PC: variants seen among roughly 807,000 people sequenced by gnomAD.
PC encodes the protein pyruvate carboxylase, mitochondrial.
PC carries 46 observed loss-of-function variants against 107.8 expected under a neutral mutation model. That is an observed-to-expected ratio of 0.43 (90% CI 0.34 to 0.55). PC has a LOEUF of 0.55. PC is among the 20% of genes least tolerant of loss of function. The pLI is 0.04. For synonymous variants in PC, 662 were observed against 684.7 expected (o/e 0.97, Z 0.52); for missense variants, 1,241 against 1,643.1 (o/e 0.76, Z 4.23).
chr11:66,873,082 C>T (rs796329448), intron 3 of PC, among the ~76,000 whole-genome samples: 7 of 150,698 alleles, frequency 4.6e-5, no homozygotes, highest in South Asian at 2.1e-4. Context: ...GTGGCTCACA[C>T]CTGTAAACCC....
chr11:66,950,054 A>G (rs1010769440), intron 3 of PC, among the ~76,000 whole-genome samples: 4 of 152,182 alleles, frequency 2.6e-5, no homozygotes. Flanking sequence ...ATTATTAATG[A>G]TTTAATATTA....
intron 3 of PC, among the ~76,000 whole-genome samples, chr11:66,917,835 C>T (rs1016700209): frequency 6.6e-6 from 1 of 152,178 alleles, no homozygotes; most frequent in Non-Finnish European, 1.5e-5. Context: ...CCTCAGCCTT[C>T]TAGGATTACG....
At position 66,870,472 on chromosome 11, in the gene PC, T is replaced by C. The variant is rs1275166075; in HGVS notation, c.752-19A>G. On this transcript the variant is annotated intron_variant, in intron 8 of 22. Coordinates refer to ENST00000393960, the MANE Select transcript of PC (RefSeq NM_001040716.2). The surrounding 1 kb of genome is among the most constrained non-coding windows in gnomAD (Gnocchi z 6.1). The stretch of plus-strand genomic sequence containing the variant: ...TGGTCCCCTGGGGAGGGAGGTAAAC[T>C]GGGCTTAGCTTTTACTGGAATCTAC... 6.2e-7 allele frequency: 1 copy of C among 1,611,424 alleles called. No homozygotes were observed. The highest frequency in any genetic ancestry group is 1.1e-5 in the South Asian group (1 of 91,060).
intron 3 of PC, among the ~76,000 whole-genome samples, chr11:66,897,513 A>G (rs1947801494): frequency 6.6e-6 from 1 of 152,222 alleles, no homozygotes; most frequent in South Asian, 2.1e-4. Flanking sequence ...CAGAGGTTGC[A>G]GTAAGCAGAG....
chr11:66,861,239 C>T (rs541292350), intron 12 of PC, among the ~76,000 whole-genome samples: 2 of 152,352 alleles, frequency 1.3e-5, no homozygotes, highest in East Asian at 3.9e-4. Context: ...CCAGCCCCTG[C>T]AGCCTCCTGA....
At chr11:66,947,399 C>A (rs1043877556) in intron 3 of PC, among the ~76,000 whole-genome samples, 2 of 151,500 alleles carry the variant, frequency 1.3e-5, no homozygotes, top group Non-Finnish European at 2.9e-5. Context: ...CTGGCTAACA[C>A]AGTGAAACCC....
intron 3 of PC, among the ~76,000 whole-genome samples, chr11:66,917,264 G>A (rs976588216): frequency 6.6e-6 from 1 of 152,026 alleles, no homozygotes; most frequent in African/African-American, 2.4e-5. Context: ...TAGAGACGGG[G>A]TTTCATCGTG....
chr11:66,865,575 GGC>G (rs1391103841), intron 11 of PC, among the ~76,000 whole-genome samples: 1 of 152,170 alleles, frequency 6.6e-6, no homozygotes, highest in Non-Finnish European at 1.5e-5. Flanking sequence ...TCCTGGAGAA[GGC>G]GCGAGTCTTG....
Position 66,852,730 on chromosome 11 carries a change from G to A in PC, c.1603+17C>T. The A allele has an allele frequency of 5.0e-6, 8 of 1,610,264 alleles. No individual in the cohort carries two copies. Among genetic ancestry groups the A allele is most frequent in the Non-Finnish European group, 6.8e-6 (8 of 1,177,110 alleles). ...CTCCTGTCTCCCCCATGAGTTGACA[G>A]AATGGATCTCACCTACCTATGGGCA... On this transcript the variant is annotated intron_variant, in intron 14 of 22. Transcript: ENST00000393960. The surrounding 1 kb of genome is among the most constrained non-coding windows in gnomAD (Gnocchi z 4.7).
intron 3 of PC, among the ~76,000 whole-genome samples, chr11:66,899,152 G>A (rs1425948950): frequency 2.0e-5 from 3 of 152,156 alleles, no homozygotes; most frequent in Non-Finnish European, 2.9e-5. Flanking sequence ...TTACAGGGGT[G>A]AGCCACCGTG....
intron 19 of PC, 46 bp from the exon 20 acceptor site, chr11:66,850,162 G>C (rs1945389846): frequency 6.2e-7 from 1 of 1,613,810 alleles, no homozygotes. Context: ...ACCTCAAGGA[G>C]GCCAGTGGCA....
chr11:66,938,180 GT>G, intron 3 of PC, among the ~76,000 whole-genome samples: 1 of 152,226 alleles, frequency 6.6e-6, no homozygotes, highest in East Asian at 1.9e-4. Flanking sequence ...ATACTTTCTT[GT>G]TTCTTTGCAT....
chr11:66,900,409 G>C (rs145817922), intron 3 of PC, among the ~76,000 whole-genome samples: 2 of 151,986 alleles, frequency 1.3e-5, no homozygotes, highest in Non-Finnish European at 2.9e-5. Context: ...TGATCCGCCC[G>C]CCTTGGCCTC....
Position 66,852,650 on chromosome 11 carries a change from CGGG to C in PC, c.1611_1613del (p.Pro538del). On this transcript the variant is annotated inframe_deletion, in exon 15 of 23. Coordinates refer to ENST00000393960, the MANE Select transcript of PC (RefSeq NM_001040716.2). The surrounding 1 kb of genome is among the most constrained non-coding windows in gnomAD (Gnocchi z 4.7). Reference sequence around the variant, plus strand: ...GCAGCAGGATGTCTCTGAAACCAGCCGGGGGCGGGCCTAGGGTAGACAGGGGCA... The same window carrying C: ...GCAGCAGGATGTCTCTGAAACCAGCCGGCGGGCCTAGGGTAGACAGGGGCA... 6.2e-7 allele frequency: 1 copy of C among 1,613,610 alleles called. No homozygotes were observed.
chr11:66,860,176 T>C (rs756573580), intron 12 of PC: 5 of 1,545,938 alleles, frequency 3.2e-6, no homozygotes, highest in Non-Finnish European at 4.4e-6. Flanking sequence ...GCCGAGCGGC[T>C]GGAAGAGAGT....
At position 66,848,807 on chromosome 11, in the gene PC, T is replaced by C. The variant is rs1945295634; in HGVS notation, c.*92A>G. 9.0e-6 allele frequency: 14 copies of C among 1,557,788 alleles called. No homozygotes were observed. Among genetic ancestry groups the C allele is most frequent in the Admixed American group, 5.0e-5 (3 of 59,422 alleles). On this transcript the variant is annotated 3_prime_UTR_variant, in exon 23 of 23. Coordinates refer to ENST00000393960, the MANE Select transcript of PC (RefSeq NM_001040716.2). ...CAGGACCTCCACGGCCCGGCCTTCC[T>C]GGCCTCGGGCACTGGCTGGCCTGGG...
Position 66,866,382 on chromosome 11 carries a change from G to A in PC, c.1023-33C>T, listed in dbSNP as rs116706384. ...GCATTGGGGGGAGGGGGGAAAGGAC[G>A]GGAGAAAGGGGGAAACATGAGGCGG... On this transcript the variant is annotated intron_variant, in intron 10 of 22. Transcript: ENST00000393960. This position sits in a 1 kb window ranked among gnomAD's most constrained non-coding sequence, Gnocchi z 5.4. The A allele has an allele frequency of 1.7e-3, 2,655 of 1,538,000 alleles. 51 individuals carry two copies. The African/African-American group carries it at 0.031, about 18-fold the overall frequency.
chr11:66,869,895 T>G (rs564342989), intron 9 of PC, among the ~76,000 whole-genome samples: 29 of 152,250 alleles, frequency 1.9e-4, no homozygotes, highest in Non-Finnish European at 3.2e-4. Flanking sequence ...ATAATAAACA[T>G]GATGTAGGAG....
intron 12 of PC, chr11:66,860,175 C>T (rs1450251539): frequency 6.5e-7 from 1 of 1,546,188 alleles, no homozygotes. Context: ...CGCCGAGCGG[C>T]TGGAAGAGAG....
Sources: allele counts gnomAD v4.1 joint callset (sites outside exome capture counted in the v4.1 genomes callset), GRCh38; gene constraint gnomAD v4.1.1; non-coding constraint Gnocchi (gnomAD v3.1); transcripts MANE v1.5; gene names NCBI Gene and HGNC (gene_info 2026-07-23, HGNC 2026-07-21).